NAALADL2: variants seen among roughly 807,000 people sequenced by gnomAD.
NAALADL2 encodes the protein N-acetylated alpha-linked acidic dipeptidase like 2.
Under a neutral mutation model 87.2 loss-of-function variants are expected in NAALADL2, and 76 were observed. That is an observed-to-expected ratio of 0.87 (90% CI 0.72 to 1.05). NAALADL2 has a LOEUF of 1.05. Ranked by LOEUF, NAALADL2 falls within the 50% of genes least tolerant of loss-of-function variation. The pLI is 0.00. For missense variants in NAALADL2, 1,089 were observed against 945.8 expected (o/e 1.15, Z -1.99); for synonymous variants, 354 against 331.0 (o/e 1.07, Z -0.75).
intron 1 of NAALADL2, among the ~76,000 whole-genome samples, chr3:174,934,726 T>C (rs905122930): frequency 2.0e-5 from 3 of 151,618 alleles, no homozygotes; most frequent in Non-Finnish European, 2.9e-5. Context: ...TAGAAAATAG[T>C]GCTCAAACAA....
At chr3:175,164,266 T>C (rs1452828969) in intron 2 of NAALADL2, among the ~76,000 whole-genome samples, 1 of 151,752 alleles carries the variant, frequency 6.6e-6, no homozygotes, top group Non-Finnish European at 1.5e-5. Context: ...TATGTAAATA[T>C]GTATATATGT....
chr3:175,132,730 T>A (rs1222127958), intron 2 of NAALADL2, among the ~76,000 whole-genome samples: 4 of 104,538 alleles, frequency 3.8e-5, no homozygotes, highest in Non-Finnish European at 8.0e-5. Flanking sequence ...CCAGTAGGGG[T>A]GGCCGGGCAG....
At chr3:175,541,978 C>G (rs1157842786) in intron 9 of NAALADL2, among the ~76,000 whole-genome samples, 1 of 152,152 alleles carries the variant, frequency 6.6e-6, no homozygotes, top group Non-Finnish European at 1.5e-5. Context: ...CTCAGCCTCC[C>G]AAAGTGTTAA....
chr3:175,206,275 A>G (rs1394048972), intron 2 of NAALADL2, among the ~76,000 whole-genome samples: 2 of 57,790 alleles, frequency 3.5e-5, no homozygotes, highest in African/African-American at 1.6e-4. Flanking sequence ...TTTTTTTTTC[A>G]CTGTGTGTGT....
At chr3:175,396,984 G>A (rs980433102) in intron 5 of NAALADL2, among the ~76,000 whole-genome samples, 1 of 151,984 alleles carries the variant, frequency 6.6e-6, no homozygotes, top group Non-Finnish European at 1.5e-5. Flanking sequence ...GCAGTGTGAG[G>A]ACAGACGAAT....
rs568104326 is a variant in NAALADL2, at chr3:175,456,339, G to A, written c.1235-7062G>A. Among the ~76,000 whole-genome samples, 14 of 152,070 alleles carry A rather than the reference G, an allele frequency of 9.2e-5. No homozygotes were observed. In the South Asian group the frequency reaches 2.7e-3, roughly 29 times the overall value. ...ATTTGAATACAAATGTTCTCTGAGT[G>A]GAACACATTTTTATATCTTGAAATC... On this transcript the variant is annotated intron_variant, in intron 6 of 13. Transcript: ENST00000454872.
At chr3:174,604,919 C>T (rs1433009969) in intron 2 of NAALADL2, among the ~76,000 whole-genome samples, 3 of 151,838 alleles carry the variant, frequency 2.0e-5, no homozygotes, top group Non-Finnish European at 4.4e-5. Context: ...CAGGCACGCA[C>T]CACCACCCCG....
At chr3:175,023,678 CA>C (rs1751856294) in intron 1 of NAALADL2, among the ~76,000 whole-genome samples, 2 of 152,032 alleles carry the variant, frequency 1.3e-5, no homozygotes, top group Admixed American at 1.3e-4. Context: ...TATTTCTTGA[CA>C]TCACTAATAA....
At chr3:175,787,197 C>CTACAGAGGCA (rs1320048583) in intron 13 of NAALADL2, among the ~76,000 whole-genome samples, 1 of 152,196 alleles carries the variant, frequency 6.6e-6, no homozygotes, top group Non-Finnish European at 1.5e-5. Context: ...GAGGTGGAGC[C>CTACAGAGGCA]TACAGAGGCA....
At chr3:174,563,449 A>G (rs1430966139) in intron 2 of NAALADL2, among the ~76,000 whole-genome samples, 4 of 151,708 alleles carry the variant, frequency 2.6e-5, no homozygotes, top group African/African-American at 9.7e-5. Context: ...ATACTCTTAA[A>G]AATGTGGGAA....
chr3:174,602,140 T>C (rs892231774), intron 2 of NAALADL2, among the ~76,000 whole-genome samples: 3 of 152,122 alleles, frequency 2.0e-5, no homozygotes, highest in African/African-American at 7.2e-5. Flanking sequence ...GATTGTTTTA[T>C]TTTTCTATTT....
chr3:175,487,931 C>A (rs985308380), intron 9 of NAALADL2, among the ~76,000 whole-genome samples: 1 of 152,018 alleles, frequency 6.6e-6, no homozygotes, highest in Admixed American at 6.6e-5. Context: ...ACTATGTAGT[C>A]TGGGAAAGAC....
intron 10 of NAALADL2, among the ~76,000 whole-genome samples, chr3:175,594,333 C>CT (rs1314854436): frequency 2.0e-5 from 3 of 152,084 alleles, no homozygotes; most frequent in Admixed American, 6.6e-5. Context: ...ATGATTCAGT[C>CT]TTTTTTATGG....
intron 5 of NAALADL2, among the ~76,000 whole-genome samples, chr3:175,419,181 G>A (rs2149115246): frequency 6.6e-6 from 1 of 151,816 alleles, no homozygotes; most frequent in South Asian, 2.1e-4. Context: ...AATGTATTGG[G>A]GGAGGGGTCA....
chr3:174,609,162 GT>G (rs1719484516), intron 2 of NAALADL2, among the ~76,000 whole-genome samples: 1 of 152,106 alleles, frequency 6.6e-6, no homozygotes, highest in African/African-American at 2.4e-5. Flanking sequence ...TGGGATGTAT[GT>G]CAAAATAATA....
chr3:174,885,525 T>C (rs1335330645), intron 1 of NAALADL2, among the ~76,000 whole-genome samples: 1 of 152,112 alleles, frequency 6.6e-6, no homozygotes, highest in East Asian at 1.9e-4. Flanking sequence ...ATCAAGAGTG[T>C]CAAATGCAAT....
At chr3:175,062,603 C>T (rs958719041) in intron 1 of NAALADL2, among the ~76,000 whole-genome samples, 1 of 151,342 alleles carries the variant, frequency 6.6e-6, no homozygotes, top group Non-Finnish European at 1.5e-5. Context: ...TATCATAGAA[C>T]TATAAATGCT....
intron 1 of NAALADL2, among the ~76,000 whole-genome samples, chr3:174,488,199 C>T (rs529901096): frequency 6.6e-6 from 1 of 151,980 alleles, no homozygotes; most frequent in African/African-American, 2.4e-5. Context: ...AAACACTAAG[C>T]TTGGTCCTAA....
chr3:175,674,299 G>T (rs990657209), intron 11 of NAALADL2, among the ~76,000 whole-genome samples: 4 of 147,510 alleles, frequency 2.7e-5, no homozygotes, highest in African/African-American at 1.0e-4. Flanking sequence ...TATCTCTGTC[G>T]CCCAGGCTGG....
Sources: allele counts gnomAD v4.1 joint callset (sites outside exome capture counted in the v4.1 genomes callset), GRCh38; gene constraint gnomAD v4.1.1; transcripts MANE v1.5; gene names NCBI Gene and HGNC (gene_info 2026-07-23, HGNC 2026-07-21).